Variants in STAC observed in about 807,000 individuals in gnomAD.
STAC encodes SH3 and cysteine-rich domain-containing protein.
A neutral mutation model predicts 48.8 loss-of-function variants in STAC; 43 were observed. The ratio of observed to expected loss-of-function variants is 0.88; its 90% CI spans 0.69 to 1.14. The LOEUF is 1.14. Ranked by LOEUF, STAC falls within the 50% of genes most tolerant of loss-of-function variation. The pLI, the probability that STAC is intolerant of heterozygous loss-of-function variation, is 0.00. For missense variants in STAC, 497 were observed against 504.0 expected (o/e 0.99, Z 0.13); for synonymous variants, 193 against 179.5 (o/e 1.07, Z -0.60).
chr3:36,477,972 T>C (rs1426217810), intron 2 of STAC, among the ~76,000 whole-genome samples: 1 of 152,226 alleles, frequency 6.6e-6, no homozygotes, highest in African/African-American at 2.4e-5. Context: ...TAAAGGCAGA[T>C]AGTACTGAAA....
intron 2 of STAC, among the ~76,000 whole-genome samples, chr3:36,461,794 T>C (rs1158513283): frequency 1.3e-5 from 2 of 152,112 alleles, no homozygotes; most frequent in Non-Finnish European, 1.5e-5. Context: ...TGTCTTTAAG[T>C]AACAGCCACA....
intron 6 of STAC, among the ~76,000 whole-genome samples, chr3:36,495,210 A>G: frequency 6.6e-6 from 1 of 152,226 alleles, no homozygotes; most frequent in East Asian, 1.9e-4. Context: ...GGTTCTTATG[A>G]TCTTTGGATG....
intron 2 of STAC, among the ~76,000 whole-genome samples, chr3:36,473,027 T>C (rs1172185366): frequency 1.3e-5 from 2 of 152,182 alleles, no homozygotes; most frequent in Non-Finnish European, 2.9e-5. Flanking sequence ...AGAGATTTAA[T>C]TGGACTTATA....
At chr3:36,423,588 A>G (rs1700493656) in intron 1 of STAC, among the ~76,000 whole-genome samples, 2 of 152,068 alleles carry the variant, frequency 1.3e-5, no homozygotes, top group Non-Finnish European at 2.9e-5. Flanking sequence ...CAGACAGAAC[A>G]GTGCTGGAAG....
intron 2 of STAC, among the ~76,000 whole-genome samples, chr3:36,476,927 C>T (rs919461712): frequency 1.3e-5 from 2 of 152,142 alleles, no homozygotes; most frequent in African/African-American, 4.8e-5. Context: ...AGCCATGCCC[C>T]TGTACTGGTG....
intron 1 of STAC, among the ~76,000 whole-genome samples, chr3:36,428,099 G>A (rs764427051): frequency 6.6e-6 from 1 of 152,222 alleles, no homozygotes; most frequent in African/African-American, 2.4e-5. Context: ...TATGAAAGGT[G>A]TTATTAGTTC....
At chr3:36,454,016 A>G (rs546455137) in intron 2 of STAC, among the ~76,000 whole-genome samples, 15 of 152,254 alleles carry the variant, frequency 9.9e-5, no homozygotes, top group African/African-American at 3.6e-4. Flanking sequence ...TGTCTAGCTC[A>G]GGGATTGTAA....
At chr3:36,510,780 G>T (rs1575250963) in intron 8 of STAC, among the ~76,000 whole-genome samples, 1 of 152,016 alleles carries the variant, frequency 6.6e-6, no homozygotes, top group East Asian at 1.9e-4. Context: ...ACACAGGGAG[G>T]GTAACATCAT....
chr3:36,424,861 G>T (rs1700527752), intron 1 of STAC, among the ~76,000 whole-genome samples: 1 of 152,030 alleles, frequency 6.6e-6, no homozygotes, highest in African/African-American at 2.4e-5. Flanking sequence ...ATTCCATACT[G>T]ATAGAAATGA....
intron 4 of STAC, 32 bp from the exon 5 acceptor site, chr3:36,486,102 C>A (rs1373968681): frequency 5.7e-6 from 9 of 1,570,196 alleles, no homozygotes; most frequent in Admixed American, 5.1e-5. Flanking sequence ...CTCAGATGAG[C>A]TTCCTCAGAT....
chr3:36,486,052 T>A, intron 4 of STAC, 82 bp from the exon 5 acceptor site: 1 of 1,035,500 alleles, frequency 9.7e-7, no homozygotes, highest in Non-Finnish European at 1.5e-6. Context: ...TCTCAGGCGC[T>A]GTTCACCCAG....
At chr3:36,483,146 T>G in intron 3 of STAC, 54 bp downstream of exon 3, 1 of 1,374,490 alleles carries the variant, frequency 7.3e-7, no homozygotes. Flanking sequence ...GGCACTTGCC[T>G]GCTGCAGTGA....
intron 8 of STAC, among the ~76,000 whole-genome samples, chr3:36,509,327 G>A (rs1005836089): frequency 3.9e-5 from 6 of 151,976 alleles, no homozygotes; most frequent in East Asian, 1.9e-4. Context: ...CTCTGGCTGC[G>A]CTTAACATTT....
intron 2 of STAC, among the ~76,000 whole-genome samples, chr3:36,468,750 ATGTG>A (rs142552025): frequency 0.11 from 16,331 of 145,368 alleles, 1,099 homozygotes; most frequent in East Asian, 0.29. Flanking sequence ...AAATACATAT[ATGTG>A]TGTGTGTGTG....
chr3:36,459,531 TTAA>T (rs1486002307), intron 2 of STAC, among the ~76,000 whole-genome samples: 2 of 152,224 alleles, frequency 1.3e-5, no homozygotes, highest in Non-Finnish European at 2.9e-5. Flanking sequence ...TTTCCAGAAG[TTAA>T]TACATAGTGT....
intron 1 of STAC, among the ~76,000 whole-genome samples, chr3:36,418,175 CTTTG>C (rs1021634543): frequency 1.4e-4 from 22 of 151,782 alleles, no homozygotes; most frequent in African/African-American, 3.4e-4. Flanking sequence ...TTAGGCCTTC[CTTTG>C]TTTTTCTTTT....
chr3:36,417,762 T>C (rs4678875), intron 1 of STAC, among the ~76,000 whole-genome samples: 35,046 of 152,124 alleles, frequency 0.23, 4,262 homozygotes, highest in Middle Eastern at 0.26. Flanking sequence ...GGACAGATTA[T>C]GTATTATAGA....
intron 5 of STAC, among the ~76,000 whole-genome samples, chr3:36,488,170 T>C (rs1697865808): frequency 6.6e-6 from 1 of 152,188 alleles, no homozygotes; most frequent in African/African-American, 2.4e-5. Flanking sequence ...TGGAGTCAAA[T>C]GATCCTCCTG....
At chr3:36,414,362 ATTTG>A (rs919019152) in intron 1 of STAC, among the ~76,000 whole-genome samples, 4 of 151,604 alleles carry the variant, frequency 2.6e-5, no homozygotes, top group African/African-American at 4.8e-5. Context: ...TTCTCGGAGG[ATTTG>A]TTTGTTTCTT....
Sources: gnomAD v4.1 joint callset for allele counts (sites outside exome capture counted in the v4.1 genomes callset) on GRCh38, gnomAD v4.1.1 for gene constraint, MANE v1.5 for transcripts, NCBI Gene and HGNC (gene_info 2026-07-23, HGNC 2026-07-21) for gene names.